The following PLEKHA7 variants were observed in gnomAD, a reference collection of about 807,000 sequenced individuals.
PLEKHA7 encodes the protein pleckstrin homology domain-containing family A member 7.
A neutral mutation model predicts 170.0 loss-of-function variants in PLEKHA7; 104 were observed. The ratio of observed to expected loss-of-function variants is 0.61; its 90% CI spans 0.52 to 0.72. The LOEUF is 0.72. Ranked by LOEUF, PLEKHA7 falls within the 30% of genes least tolerant of loss-of-function variation. The pLI, the probability that PLEKHA7 is intolerant of heterozygous loss-of-function variation, is 0.00. For synonymous variants in PLEKHA7, 648 were observed against 660.8 expected (o/e 0.98, Z 0.30); for missense variants, 1,615 against 1,671.7 (o/e 0.97, Z 0.59).
intron 10 of PLEKHA7, among the ~76,000 whole-genome samples, chr11:16,819,007 G>C (rs1464217733): frequency 1.3e-5 from 2 of 151,500 alleles, no homozygotes; most frequent in Non-Finnish European, 2.9e-5. Flanking sequence ...GTTTCACTGT[G>C]TTAGCCAGGA....
intron 17 of PLEKHA7, among the ~76,000 whole-genome samples, chr11:16,798,359 T>C (rs1307197355): frequency 6.6e-6 from 1 of 152,126 alleles, no homozygotes; most frequent in Non-Finnish European, 1.5e-5. Flanking sequence ...GAAATCAAGA[T>C]GCAGGCTCCA....
intron 26 of PLEKHA7, among the ~76,000 whole-genome samples, chr11:16,780,682 G>A (rs2134100785): frequency 6.6e-6 from 1 of 152,310 alleles, no homozygotes; most frequent in Non-Finnish European, 1.5e-5. Context: ...GCACAGTTCC[G>A]GTTCTAGAGA....
At chr11:16,799,341 T>C (rs1022352484) in intron 17 of PLEKHA7, among the ~76,000 whole-genome samples, 6 of 152,216 alleles carry the variant, frequency 3.9e-5, no homozygotes, top group Admixed American at 2.0e-4. Flanking sequence ...TGAAAATGCA[T>C]AGAAAATGGT....
chr11:16,856,854 T>C (rs1407618201), intron 4 of PLEKHA7, among the ~76,000 whole-genome samples: 1 of 152,148 alleles, frequency 6.6e-6, no homozygotes, highest in Admixed American at 6.5e-5. Flanking sequence ...GTCTCCACGC[T>C]CTGTCCAATG....
At chr11:16,891,692 C>T (rs1024972686) in intron 3 of PLEKHA7, among the ~76,000 whole-genome samples, 2 of 152,090 alleles carry the variant, frequency 1.3e-5, no homozygotes, top group African/African-American at 4.8e-5. Flanking sequence ...AAATGTTATT[C>T]AATTTTAAAC....
In PLEKHA7 at chr11:16,791,200, C is replaced by G. The variant is rs1214193395; in HGVS notation, c.2746-1G>C. ...GGGGCCTGGGAGGTGCTTCATCTTCCTGCTGAGAAAGAGAACCAGACCAGT... is the reference window on the plus strand; with the variant it reads ...GGGGCCTGGGAGGTGCTTCATCTTCGTGCTGAGAAAGAGAACCAGACCAGT... On this transcript the variant is annotated splice_acceptor_variant, in intron 19 of 26. Coordinates refer to ENST00000531066, the MANE Select transcript of PLEKHA7 (RefSeq NM_001329630.2). LOFTEE classifies it high-confidence loss of function. The surrounding 1 kb of genome is among the most constrained non-coding windows in gnomAD (Gnocchi z 4.5). 10 of 1,585,846 alleles carry G rather than the reference C, an allele frequency of 6.3e-6. No homozygotes were observed. In the East Asian group the frequency reaches 2.0e-4, roughly 32 times the overall value.
chr11:16,960,822 C>T (rs887186886), intron 3 of PLEKHA7, among the ~76,000 whole-genome samples: 7 of 152,086 alleles, frequency 4.6e-5, no homozygotes, highest in African/African-American at 1.7e-4. Context: ...AGGGACCCTA[C>T]CTTCACCCCT....
intron 3 of PLEKHA7, among the ~76,000 whole-genome samples, chr11:16,886,385 T>C (rs911461819): frequency 6.6e-6 from 1 of 152,142 alleles, no homozygotes. Flanking sequence ...AAAAAATAAT[T>C]GATTCAGCTA....
chr11:17,009,888 CA>C (rs1865222596), intron 3 of PLEKHA7, among the ~76,000 whole-genome samples: 1 of 152,120 alleles, frequency 6.6e-6, no homozygotes, highest in African/African-American at 2.4e-5. Flanking sequence ...CTCCGCCTCC[CA>C]AAGTGTGGAA....
chr11:16,803,209 G>T lies in PLEKHA7; in HGVS notation c.2076+18C>A. 6.2e-7 allele frequency: 1 copy of T among 1,610,608 alleles called. No individual in the cohort carries two copies. ...CAGGAGGCAGCTGAGGGGTCAGCGT[G>T]TCACTCTGCTCACTCACGTCAGTGT... On this transcript the variant is annotated intron_variant, in intron 14 of 26. Transcript: ENST00000531066.
chr11:16,845,081 G>A (rs1852282123), intron 8 of PLEKHA7, among the ~76,000 whole-genome samples: 1 of 152,204 alleles, frequency 6.6e-6, no homozygotes, highest in Non-Finnish European at 1.5e-5. Flanking sequence ...GATCCCTGAG[G>A]AATTGACATT....
chr11:16,827,580 G>A (rs1171668148), intron 9 of PLEKHA7, among the ~76,000 whole-genome samples: 2 of 152,146 alleles, frequency 1.3e-5, no homozygotes, highest in African/African-American at 4.8e-5. Context: ...TTGGTACATG[G>A]TGGAGGGCTC....
chr11:16,993,074 G>A (rs573950280), intron 3 of PLEKHA7, among the ~76,000 whole-genome samples: 45 of 152,162 alleles, frequency 3.0e-4, no homozygotes, highest in East Asian at 1.2e-3. Flanking sequence ...TAGCCAAGGC[G>A]TCAGGGAGAC....
rs1351373530 is a variant in PLEKHA7, at chr11:16,791,317, C to T, written c.2746-118G>A. 2.6e-5 allele frequency: 25 copies of T among 980,202 alleles called. No individual in the cohort carries two copies. The highest frequency in any genetic ancestry group is 3.1e-5 in the Non-Finnish European group (21 of 669,424). 60.7% of individuals were successfully genotyped at this position (980,202 alleles called of 1,614,324 possible). ...AACAGGCCACATCAGAGCCACAGAA[C>T]ATGACTGCCTCAGCCAAGGAGCACT... On this transcript the variant is annotated intron_variant, in intron 19 of 26. Coordinates refer to ENST00000531066, the MANE Select transcript of PLEKHA7 (RefSeq NM_001329630.2). This position sits in a 1 kb window ranked among gnomAD's most constrained non-coding sequence, Gnocchi z 4.5.
At chr11:16,944,145 G>T (rs924590570) in intron 3 of PLEKHA7, among the ~76,000 whole-genome samples, 1 of 152,070 alleles carries the variant, frequency 6.6e-6, no homozygotes, top group African/African-American at 2.4e-5. Flanking sequence ...CCTGAGGTCA[G>T]GAGTTCGAGA....
In PLEKHA7 at chr11:16,846,359, G is replaced by A. The variant is rs140511548; in HGVS notation, c.697-4637C>T. ...AGAGAAAAGAAACGAAACTTCTCACGTCCAACCTTTAGGCTGACTCCAAGC... is the reference window on the plus strand; with the variant it reads ...AGAGAAAAGAAACGAAACTTCTCACATCCAACCTTTAGGCTGACTCCAAGC... On this transcript the variant is annotated intron_variant, in intron 8 of 26. Coordinates refer to ENST00000531066, the MANE Select transcript of PLEKHA7 (RefSeq NM_001329630.2). Among the ~76,000 whole-genome samples the A allele has an allele frequency of 3.6e-3, 553 of 152,196 alleles. 3 individuals are homozygous for A. Among genetic ancestry groups the A allele is most frequent in the African/African-American group, 0.013 (524 of 41,536 alleles).
At chr11:16,804,851 A>G (rs528727053) in intron 13 of PLEKHA7, among the ~76,000 whole-genome samples, 1 of 152,372 alleles carries the variant, frequency 6.6e-6, no homozygotes, top group East Asian at 1.9e-4. Context: ...AGACTGCAAC[A>G]ATCCACAAAC....
At chr11:16,955,462 G>A (rs552865623) in intron 3 of PLEKHA7, among the ~76,000 whole-genome samples, 28 of 152,182 alleles carry the variant, frequency 1.8e-4, no homozygotes, top group South Asian at 6.2e-4. Context: ...AAAGGACCAT[G>A]ACCTACTCAT....
chr11:16,843,619 T>G (rs1852147429), intron 8 of PLEKHA7, among the ~76,000 whole-genome samples: 1 of 152,194 alleles, frequency 6.6e-6, no homozygotes, highest in South Asian at 2.1e-4. Context: ...TTCCTTCTAT[T>G]TTAAGCAAGG....
Sources: gnomAD v4.1 joint callset for allele counts (sites outside exome capture counted in the v4.1 genomes callset) on GRCh38, gnomAD v4.1.1 for gene constraint, Gnocchi (gnomAD v3.1) non-coding constraint, MANE v1.5 for transcripts, NCBI Gene and HGNC (gene_info 2026-07-23, HGNC 2026-07-21) for gene names.